The following OR51B5 variants were observed in gnomAD, a reference collection of about 807,000 sequenced individuals.
OR51B5 encodes olfactory receptor 51B5.
For synonymous variants in OR51B5, 186 were observed against 144.8 expected (o/e 1.28, Z -2.04); for missense variants, 456 against 374.6 (o/e 1.22, Z -1.79).
intron 1 of OR51B5, among the ~76,000 whole-genome samples, chr11:5,415,608 C>A (rs1850230939): frequency 6.6e-6 from 1 of 152,134 alleles, no homozygotes; most frequent in Non-Finnish European, 1.5e-5. Flanking sequence ...CCACCGATCC[C>A]ACAGAAATAC....
intron 1 of OR51B5, among the ~76,000 whole-genome samples, chr11:5,383,102 T>C (rs79108315): frequency 1.4e-5 from 2 of 147,234 alleles, no homozygotes; most frequent in South Asian, 2.2e-4. Context: ...ATTTTTTTTT[T>C]TCTAAATGTT....
At chr11:5,460,037 T>C (rs935449205) in intron 1 of OR51B5, among the ~76,000 whole-genome samples, 10 of 152,058 alleles carry the variant, frequency 6.6e-5, no homozygotes, top group Admixed American at 2.6e-4. Context: ...CATGGAATTC[T>C]ACACAGCAAT....
chr11:5,399,240 T>A (rs1213720297), intron 1 of OR51B5, among the ~76,000 whole-genome samples: 1 of 152,188 alleles, frequency 6.6e-6, no homozygotes, highest in East Asian at 1.9e-4. Flanking sequence ...TGTCTCCTTG[T>A]TTACCTCACA....
At chr11:5,437,657 G>T (rs745491101) in intron 1 of OR51B5, among the ~76,000 whole-genome samples, 10 of 152,114 alleles carry the variant, frequency 6.6e-5, no homozygotes, top group Non-Finnish European at 1.3e-4. Context: ...TAACTACAAG[G>T]GATTGAGATT....
At chr11:5,489,417 G>A in intron 1 of OR51B5, 2 of 1,613,762 alleles carry the variant, frequency 1.2e-6, no homozygotes, top group Non-Finnish European at 8.5e-7. Flanking sequence ...ATGATGCCCA[G>A]CACAAAGCTC....
intron 1 of OR51B5, among the ~76,000 whole-genome samples, chr11:5,434,671 G>T (rs1314356862): frequency 2.0e-5 from 3 of 152,138 alleles, no homozygotes; most frequent in Non-Finnish European, 4.4e-5. Context: ...GAAAAGATTG[G>T]CAACGTCAAG....
chr11:5,378,238 T>G (rs1589963142), intron 1 of OR51B5, among the ~76,000 whole-genome samples: 1 of 152,004 alleles, frequency 6.6e-6, no homozygotes. Flanking sequence ...TAAATGGTGC[T>G]GGGAGAACTG....
intron 1 of OR51B5, among the ~76,000 whole-genome samples, chr11:5,445,199 TAG>T (rs1374167030): frequency 6.6e-6 from 1 of 152,194 alleles, no homozygotes; most frequent in East Asian, 1.9e-4. Flanking sequence ...GACTATGAAA[TAG>T]AGACTTAAAG....
chr11:5,461,258 G>A (rs1054938005), intron 1 of OR51B5, among the ~76,000 whole-genome samples: 5 of 152,196 alleles, frequency 3.3e-5, no homozygotes, highest in African/African-American at 1.2e-4. Flanking sequence ...CTGCAGGCCA[G>A]GGGGTGGAGG....
intron 1 of OR51B5, among the ~76,000 whole-genome samples, chr11:5,405,050 C>T (rs1850038775): frequency 1.3e-5 from 2 of 152,196 alleles, no homozygotes; most frequent in Non-Finnish European, 2.9e-5. Flanking sequence ...AAGAGGCAAG[C>T]ATCCTCTTTG....
At chr11:5,379,867 T>C (rs1346818085) in intron 1 of OR51B5, among the ~76,000 whole-genome samples, 1 of 152,184 alleles carries the variant, frequency 6.6e-6, no homozygotes, top group African/African-American at 2.4e-5. Context: ...TGTGATCTCC[T>C]TGCATGCACT....
intron 1 of OR51B5, among the ~76,000 whole-genome samples, chr11:5,493,924 T>G (rs2133816864): frequency 6.6e-6 from 1 of 152,318 alleles, no homozygotes; most frequent in East Asian, 1.9e-4. Flanking sequence ...TTCATATATA[T>G]TTTTACATTG....
At chr11:5,375,441 C>A (rs1662915730) in intron 1 of OR51B5, among the ~76,000 whole-genome samples, 1 of 125,938 alleles carries the variant, frequency 7.9e-6, no homozygotes, top group African/African-American at 2.9e-5. Context: ...AGCAAAATAA[C>A]CAGCTATCAT....
In OR51B5 at chr11:5,411,952, G is replaced by C. The variant is rs535782461; in HGVS notation, n.85-65042C>G. 3.3e-5 allele frequency among the ~76,000 whole-genome samples: 5 copies of C among 152,296 alleles called. No individual in the cohort carries two copies. The East Asian group carries it at 9.7e-4, about 29-fold the overall frequency. On this transcript the variant is annotated intron_variant and non_coding_transcript_variant, in intron 1 of 4. Coordinates refer to the OR51B5 transcript ENST00000415970. The stretch of plus-strand genomic sequence containing the variant: ...AGCCTTGAGAAAGCAAGGTGGTCCA[G>C]CCAATCTCTTGATTTTAGCCCAGTG...
intron 1 of OR51B5, among the ~76,000 whole-genome samples, chr11:5,445,247 T>C (rs541315035): frequency 1.3e-5 from 2 of 152,326 alleles, no homozygotes; most frequent in African/African-American, 2.4e-5. Flanking sequence ...ATTTCCCTGC[T>C]TAAATAGCTA....
At chr11:5,489,604 A>G in intron 1 of OR51B5, 1 of 1,613,978 alleles carries the variant, frequency 6.2e-7, no homozygotes, top group Non-Finnish European at 8.5e-7. Flanking sequence ...TGGAGCTAGA[A>G]CCAAGGAGAT....
At chr11:5,455,585 AAG>A (rs59290604) in intron 1 of OR51B5, 5 of 131,216 alleles carry the variant, frequency 3.8e-5, no homozygotes, top group African/African-American at 1.4e-4. Context: ...GAGAAAGAGA[AAG>A]AGAGAAAGAG....
At chr11:5,453,637 GA>G in intron 1 of OR51B5, 1 of 1,613,694 alleles carries the variant, frequency 6.2e-7, no homozygotes. Context: ...CAGGCTGTGC[GA>G]GTGGAGCCCA....
chr11:5,374,047 CT>C (rs1322943912), intron 1 of OR51B5, among the ~76,000 whole-genome samples: 6 of 152,196 alleles, frequency 3.9e-5, no homozygotes, highest in African/African-American at 1.4e-4. Context: ...TCCCTGACCC[CT>C]GACCCCCGAG....
Sources: gnomAD v4.1 joint callset for allele counts (sites outside exome capture counted in the v4.1 genomes callset) on GRCh38, gnomAD v4.1.1 for gene constraint, MANE v1.5 for transcripts, NCBI Gene and HGNC (gene_info 2026-07-23, HGNC 2026-07-21) for gene names.